CNTN5: variants seen among roughly 807,000 people sequenced by gnomAD.
CNTN5 encodes the protein contactin 5.
A neutral mutation model predicts 129.1 loss-of-function variants in CNTN5; 77 were observed. The observed-to-expected ratio is 0.60, with a 90% CI of 0.50 to 0.72. The LOEUF (loss-of-function observed/expected upper bound fraction) is 0.72, where lower values mean the gene tolerates loss of function less well. Among genes scored for constraint, CNTN5 ranks in the 30% least tolerant of loss-of-function variants. The pLI is 0.00. For synonymous variants in CNTN5, 509 were observed against 465.6 expected, an observed-to-expected ratio of 1.09 and a Z score of -1.20; for missense variants, 1,478 against 1,328.8, an observed-to-expected ratio of 1.11 and a Z score of -1.75.
At chr11:100,332,984 G>A (rs1473662268) in intron 21 of CNTN5, among the ~76,000 whole-genome samples, 1 of 152,052 alleles carries the variant, frequency 6.6e-6, no homozygotes, top group African/African-American at 2.4e-5. Flanking sequence ...CATCCAAATT[G>A]GTAAGGAGGA....
chr11:100,091,736 A>AT (rs1944794063), intron 13 of CNTN5, among the ~76,000 whole-genome samples: 1 of 151,790 alleles, frequency 6.6e-6, no homozygotes, highest in Admixed American at 6.6e-5. Flanking sequence ...CTATTTATTC[A>AT]TTTTTTATTT....
intron 3 of CNTN5, among the ~76,000 whole-genome samples, chr11:99,579,262 G>A (rs1426906200): frequency 1.1e-4 from 17 of 151,352 alleles, no homozygotes; most frequent in East Asian, 1.9e-4. Flanking sequence ...GTCAGGTAGC[G>A]TGATGCCTCC....
chr11:99,514,221 C>T (rs1202307192), intron 2 of CNTN5, among the ~76,000 whole-genome samples: 1 of 152,020 alleles, frequency 6.6e-6, no homozygotes, highest in East Asian at 1.9e-4. Context: ...ATCTCATGAT[C>T]AAACTTGAAT....
chr11:99,172,001 A>G (rs1565375495), intron 1 of CNTN5, among the ~76,000 whole-genome samples: 1 of 152,188 alleles, frequency 6.6e-6, no homozygotes, highest in Admixed American at 6.5e-5. Context: ...GAGCAATTTC[A>G]TTTTGAAGCC....
intron 2 of CNTN5, among the ~76,000 whole-genome samples, chr11:99,454,201 A>G (rs1944411390): frequency 6.6e-6 from 1 of 152,190 alleles, no homozygotes; most frequent in South Asian, 2.1e-4. Flanking sequence ...AGGGGAGGAG[A>G]AAAACAAAAG....
chr11:99,255,532 G>T (rs1330748762), intron 1 of CNTN5, among the ~76,000 whole-genome samples: 1 of 151,104 alleles, frequency 6.6e-6, no homozygotes, highest in African/African-American at 2.4e-5. Context: ...ACATATATGA[G>T]ATACAAATCT....
intron 2 of CNTN5, among the ~76,000 whole-genome samples, chr11:99,516,136 T>TAAA (rs35072410): frequency 6.6e-6 from 1 of 151,264 alleles, no homozygotes; most frequent in Non-Finnish European, 1.5e-5. Flanking sequence ...TGCTAATTGT[T>TAAA]AAAAAAAATG....
intron 2 of CNTN5, among the ~76,000 whole-genome samples, chr11:99,369,982 G>A (rs1447352864): frequency 6.6e-6 from 1 of 152,134 alleles, no homozygotes; most frequent in Admixed American, 6.6e-5. Flanking sequence ...ACATAGTGTA[G>A]ATTTTCCTGA....
At chr11:99,639,764 A>G (rs10893642) in intron 3 of CNTN5, among the ~76,000 whole-genome samples, 91,048 of 151,138 alleles carry the variant, frequency 0.6, 28,214 homozygotes, top group Admixed American at 0.69. Context: ...AGGTTTCACC[A>G]TGTTGGTCAG....
At chr11:99,195,512 T>A (rs1369547721) in intron 1 of CNTN5, among the ~76,000 whole-genome samples, 1 of 152,078 alleles carries the variant, frequency 6.6e-6, no homozygotes, top group African/African-American at 2.4e-5. Context: ...GTAAGCACCC[T>A]TCATTATTTT....
intron 2 of CNTN5, among the ~76,000 whole-genome samples, chr11:99,506,430 G>T (rs573754719): frequency 1.3e-5 from 2 of 152,144 alleles, no homozygotes; most frequent in East Asian, 3.9e-4. Flanking sequence ...TTAAACGAAG[G>T]CAGGTTCACA....
At chr11:99,975,574 C>A (rs1051957396) in intron 8 of CNTN5, among the ~76,000 whole-genome samples, 2 of 152,006 alleles carry the variant, frequency 1.3e-5, no homozygotes, top group Middle Eastern at 3.4e-3. Context: ...GGGGATGCCT[C>A]AAAAAACTTA....
chr11:99,700,555 T>C (rs1284972748), intron 3 of CNTN5, among the ~76,000 whole-genome samples: 1 of 151,338 alleles, frequency 6.6e-6, no homozygotes, highest in Admixed American at 6.6e-5. Flanking sequence ...ATTAGCAGGT[T>C]GACTGAAAAA....
intron 4 of CNTN5, among the ~76,000 whole-genome samples, chr11:99,833,296 C>G (rs185928304): frequency 1.7e-3 from 252 of 152,180 alleles, no homozygotes; most frequent in Non-Finnish European, 2.8e-3. Flanking sequence ...ACTATTGTCT[C>G]CATAACAAGA....
At chr11:99,085,797 G>A (rs769725379) in intron 1 of CNTN5, among the ~76,000 whole-genome samples, 43 of 152,056 alleles carry the variant, frequency 2.8e-4, no homozygotes, top group Non-Finnish European at 5.9e-4. Context: ...ATATAGGAAG[G>A]TGGTCCCATA....
intron 3 of CNTN5, among the ~76,000 whole-genome samples, chr11:99,733,645 GT>G (rs1219366425): frequency 6.6e-6 from 1 of 152,108 alleles, no homozygotes; most frequent in Non-Finnish European, 1.5e-5. Flanking sequence ...AAGATGCAAG[GT>G]GCTGTAGTTG....
chr11:99,977,911 T>C (rs1938093727), intron 8 of CNTN5, among the ~76,000 whole-genome samples: 1 of 152,206 alleles, frequency 6.6e-6, no homozygotes, highest in Non-Finnish European at 1.5e-5. Context: ...TTATTAAAAA[T>C]AAGGTTCAAC....
At chr11:99,119,133 C>A (rs1401086776) in intron 1 of CNTN5, among the ~76,000 whole-genome samples, 1 of 152,038 alleles carries the variant, frequency 6.6e-6, no homozygotes, top group African/African-American at 2.4e-5. Flanking sequence ...TTATCAATCT[C>A]GCTTTATTTA....
intron 13 of CNTN5, among the ~76,000 whole-genome samples, chr11:100,115,640 T>C (rs192679596): frequency 9.2e-5 from 14 of 152,114 alleles, no homozygotes; most frequent in Admixed American, 9.2e-4. Flanking sequence ...ACCTGTAAGA[T>C]GAGACCATAT....
Sources: gnomAD v4.1 joint callset for allele counts (sites outside exome capture counted in the v4.1 genomes callset) on GRCh38, gnomAD v4.1.1 for gene constraint, MANE v1.5 for transcripts, NCBI Gene and HGNC (gene_info 2026-07-23, HGNC 2026-07-21) for gene names.